Variants in ADAM32 observed in about 807,000 individuals in gnomAD.
The protein encoded by ADAM32 is ADAM metallopeptidase domain 32.
ADAM32 carries 89 observed loss-of-function variants against 114.9 expected under a neutral mutation model. The observed-to-expected ratio is 0.77, with a 90% CI of 0.65 to 0.92. ADAM32 has a LOEUF of 0.92. Ranked by LOEUF, ADAM32 falls within the 40% of genes least tolerant of loss-of-function variation. The pLI, the probability that ADAM32 is intolerant of heterozygous loss-of-function variation, is 0.00. For synonymous variants in ADAM32, 285 were observed against 307.5 expected (o/e 0.93, Z 0.77); for missense variants, 870 against 932.8 (o/e 0.93, Z 0.88).
intron 16 of ADAM32, among the ~76,000 whole-genome samples, chr8:39,242,792 G>T (rs929653165): frequency 6.6e-5 from 10 of 152,086 alleles, no homozygotes; most frequent in African/African-American, 2.4e-4. Flanking sequence ...ACAAAGATCA[G>T]AGCAGAAGTA....
intron 11 of ADAM32, among the ~76,000 whole-genome samples, chr8:39,210,760 A>C (rs941525639): frequency 2.0e-5 from 3 of 152,178 alleles, no homozygotes; most frequent in African/African-American, 7.2e-5. Flanking sequence ...TGAGATCTTC[A>C]GGACTAAGCA....
chr8:39,273,388 G>A lies in ADAM32; in HGVS notation c.2202-924G>A, dbSNP rs186854644. 6.5e-3 allele frequency among the ~76,000 whole-genome samples: 982 copies of A among 152,010 alleles called. 12 individuals carry two copies. The highest frequency in any genetic ancestry group is 0.023 in the African/African-American group (941 of 41,436). The stretch of plus-strand genomic sequence containing the variant: ...AATAAATAAATAAAATTAGCCAGGC[G>A]TGGTGGCACATGCCTGTAATCCCAG... On this transcript the variant is annotated intron_variant, in intron 20 of 24. Transcript: ENST00000379907.
intron 10 of ADAM32, among the ~76,000 whole-genome samples, chr8:39,173,981 C>T (rs917805759): frequency 1.1e-4 from 17 of 152,154 alleles, no homozygotes; most frequent in Non-Finnish European, 1.8e-4. Flanking sequence ...TGCACTGCCA[C>T]ACTTGGCTAA....
At chr8:39,171,101 CT>C (rs1805160865) in intron 10 of ADAM32, among the ~76,000 whole-genome samples, 1 of 151,994 alleles carries the variant, frequency 6.6e-6, no homozygotes, top group African/African-American at 2.4e-5. Flanking sequence ...AACCAGCTAA[CT>C]TTTTTGTATT....
chr8:39,207,301 C>T (rs1402685424), intron 11 of ADAM32, among the ~76,000 whole-genome samples: 1 of 152,046 alleles, frequency 6.6e-6, no homozygotes, highest in African/African-American at 2.4e-5. Flanking sequence ...GTGCCAGGCT[C>T]CCCTACTCAG....
intron 12 of ADAM32, among the ~76,000 whole-genome samples, chr8:39,217,560 TTTTA>T (rs1243558582): frequency 6.6e-6 from 1 of 152,172 alleles, no homozygotes; most frequent in African/African-American, 2.4e-5. Flanking sequence ...TTTATTCTTT[TTTTA>T]TTTGTCTCCT....
chr8:39,216,025 G>A (rs901191582), intron 12 of ADAM32, among the ~76,000 whole-genome samples: 12 of 152,070 alleles, frequency 7.9e-5, no homozygotes, highest in South Asian at 6.2e-4. Context: ...TTATTGTATT[G>A]GGGTCTAGCT....
intron 2 of ADAM32, among the ~76,000 whole-genome samples, chr8:39,120,665 G>C (rs543845496): frequency 1.1e-4 from 16 of 151,246 alleles, no homozygotes; most frequent in Non-Finnish European, 2.2e-4. Context: ...GGGAGACTGA[G>C]GCAGGAGAAT....
chr8:39,218,334 GGT>G (rs1808728546), intron 12 of ADAM32, among the ~76,000 whole-genome samples: 1 of 151,976 alleles, frequency 6.6e-6, no homozygotes, highest in Admixed American at 6.6e-5. Context: ...CATGGCACTG[GGT>G]CTCACGCAAG....
chr8:39,144,664 A>T (rs1585394452), intron 3 of ADAM32, among the ~76,000 whole-genome samples: 1 of 152,240 alleles, frequency 6.6e-6, no homozygotes, highest in African/African-American at 2.4e-5. Flanking sequence ...CCTTAACACA[A>T]AAATGTCATA....
chr8:39,246,028 A>T, intron 16 of ADAM32, 55 bp from the exon 17 acceptor site: 1 of 1,324,502 alleles, frequency 7.6e-7, no homozygotes, highest in Non-Finnish European at 1.1e-6. Context: ...CTGTAATGTT[A>T]TGATGACTGT....
At chr8:39,235,086 G>T (rs1189196595) in intron 16 of ADAM32, among the ~76,000 whole-genome samples, 1 of 151,716 alleles carries the variant, frequency 6.6e-6, no homozygotes, top group Admixed American at 6.6e-5. Context: ...TGCTCTCCCT[G>T]CCCAGGATCT....
intron 22 of ADAM32, among the ~76,000 whole-genome samples, chr8:39,279,933 T>C (rs371330477): frequency 6.6e-6 from 1 of 152,306 alleles, no homozygotes; most frequent in African/African-American, 2.4e-5. Context: ...GGGGCATGAA[T>C]GTTGTAATGT....
intron 10 of ADAM32, among the ~76,000 whole-genome samples, chr8:39,184,000 C>T (rs1173202172): frequency 6.6e-6 from 1 of 152,186 alleles, no homozygotes; most frequent in Admixed American, 6.5e-5. Flanking sequence ...AAACCTATCT[C>T]CAGTTTACTG....
intron 2 of ADAM32, among the ~76,000 whole-genome samples, chr8:39,127,925 T>C (rs1016795424): frequency 2.6e-5 from 4 of 152,184 alleles, no homozygotes; most frequent in African/African-American, 9.6e-5. Flanking sequence ...CTGCTTTGAT[T>C]TGATTATTTT....
At chr8:39,202,277 G>A (rs1353491047) in intron 11 of ADAM32, among the ~76,000 whole-genome samples, 1 of 152,068 alleles carries the variant, frequency 6.6e-6, no homozygotes, top group African/African-American at 2.4e-5. Context: ...TTGGTGGGTA[G>A]GCTCTTAGTT....
rs771390678 is a variant in ADAM32 at position 39,257,260 on chromosome 8, T to C, written c.2079T>C (p.Ile693=). The C allele has an allele frequency of 3.7e-5, 59 of 1,613,264 alleles. No homozygotes were observed. In the Middle Eastern group the frequency reaches 8.2e-4, roughly 22 times the overall value. The change falls in exon 19 of 25, where the codon ATT becomes ATC. Residue 693 remains isoleucine, a synonymous_variant. Transcript: ENST00000379907. The part of the protein sequence containing the change: ...WLLGFLIALP[I]LIVTTAIVLA... Reference sequence around the variant, plus strand: ...TAGGTTTCCTCATTGCTCTTCCTATTCTCATTGTAACAACCGCAATAGTTT... The same window carrying C: ...TAGGTTTCCTCATTGCTCTTCCTATCCTCATTGTAACAACCGCAATAGTTT...
intron 11 of ADAM32, among the ~76,000 whole-genome samples, chr8:39,194,826 A>C (rs750283003): frequency 1.1e-4 from 17 of 152,282 alleles, no homozygotes; most frequent in African/African-American, 3.1e-4. Context: ...AGTTAAGCCT[A>C]GGCAGATGGG....
intron 3 of ADAM32, among the ~76,000 whole-genome samples, chr8:39,140,321 TAC>T (rs1803065377): frequency 6.6e-6 from 1 of 152,222 alleles, no homozygotes; most frequent in Non-Finnish European, 1.5e-5. Flanking sequence ...TATTTTGAGA[TAC>T]ATTCCATCAA....
Sources: allele counts gnomAD v4.1 joint callset (sites outside exome capture counted in the v4.1 genomes callset), GRCh38; gene constraint gnomAD v4.1.1; transcripts MANE v1.5; gene names NCBI Gene and HGNC (gene_info 2026-07-23, HGNC 2026-07-21).